KCNN3: variants seen among roughly 807,000 people sequenced by gnomAD.
The protein encoded by KCNN3 is small conductance calcium-activated potassium channel protein 3.
Under a neutral mutation model 62.9 loss-of-function variants are expected in KCNN3, and 16 were observed. That is an observed-to-expected ratio of 0.25 (90% CI 0.17 to 0.39). The LOEUF is 0.39. Ranked by LOEUF, KCNN3 falls within the 10% of genes least tolerant of loss-of-function variation. The pLI is 1.00. For missense variants in KCNN3, 599 were observed against 949.4 expected (o/e 0.63, Z 4.85); for synonymous variants, 370 against 389.2 (o/e 0.95, Z 0.58).
chr1:154,730,097 A>G (rs1201465172), intron 4 of KCNN3, among the ~76,000 whole-genome samples: 62 of 152,368 alleles, frequency 4.1e-4, no homozygotes, highest in Non-Finnish European at 1.2e-4. Context: ...TTGCACTGTC[A>G]TTTCCAATTC....
chr1:154,770,810 AT>A (rs1365806603), intron 3 of KCNN3, among the ~76,000 whole-genome samples: 1 of 152,162 alleles, frequency 6.6e-6, no homozygotes, highest in East Asian at 1.9e-4. Context: ...TAATCCCAGA[AT>A]TTTGGGAGGC....
At chr1:154,720,313 C>A (rs903679904) in intron 5 of KCNN3, among the ~76,000 whole-genome samples, 1 of 152,254 alleles carries the variant, frequency 6.6e-6, no homozygotes, top group African/African-American at 2.4e-5. Context: ...TGCACCCAAT[C>A]TGTCTGGGAC....
rs568797037 is a variant in KCNN3, at chr1:154,765,779, G to A, written c.1448+6196C>T. On this transcript the variant is annotated intron_variant, in intron 3 of 7. Transcript: ENST00000271915. The stretch of plus-strand genomic sequence containing the variant: ...AGTCTACAGATGCACCACCACTCCC[G>A]GCTAATGTTTTTTTTGGTTTTTTTT... Among the ~76,000 whole-genome samples the A allele has an allele frequency of 4.0e-5, 6 of 150,912 alleles. No homozygotes were observed. In the South Asian group the frequency reaches 8.5e-4, roughly 21 times the overall value.
At chr1:154,767,271 T>C (rs1310956856) in intron 3 of KCNN3, among the ~76,000 whole-genome samples, 1 of 152,162 alleles carries the variant, frequency 6.6e-6, no homozygotes, top group Non-Finnish European at 1.5e-5. Context: ...AATATCAGTA[T>C]GCCAAAAGTT....
At chr1:154,845,111 C>T (rs1267647922) in intron 1 of KCNN3, among the ~76,000 whole-genome samples, 1 of 152,160 alleles carries the variant, frequency 6.6e-6, no homozygotes, top group Non-Finnish European at 1.5e-5. Flanking sequence ...AAACCCCTTG[C>T]CACTCTTCCA....
At chr1:154,782,271 T>G (rs547565536) in intron 2 of KCNN3, among the ~76,000 whole-genome samples, 2 of 152,210 alleles carry the variant, frequency 1.3e-5, no homozygotes, top group Admixed American at 6.5e-5. Flanking sequence ...GAAAACACAC[T>G]GCCCACAGGT....
chr1:154,830,364 T>C (rs1028926240), intron 1 of KCNN3, among the ~76,000 whole-genome samples: 1 of 152,154 alleles, frequency 6.6e-6, no homozygotes, highest in Non-Finnish European at 1.5e-5. Context: ...TCACCACTGA[T>C]CCAGAGGGAA....
At chr1:154,712,868 G>A (rs1396492099) in intron 7 of KCNN3, among the ~76,000 whole-genome samples, 2 of 152,174 alleles carry the variant, frequency 1.3e-5, no homozygotes, top group Non-Finnish European at 2.9e-5. Flanking sequence ...GTGATGGCGA[G>A]CCTTACACCC....
intron 2 of KCNN3, among the ~76,000 whole-genome samples, chr1:154,810,734 T>A (rs2101883440): frequency 6.6e-6 from 1 of 152,290 alleles, no homozygotes; most frequent in South Asian, 2.1e-4. Context: ...GGGTTACTGT[T>A]CAGCCCTAGG....
chr1:154,794,840 TG>T (rs1649660047), intron 2 of KCNN3, among the ~76,000 whole-genome samples: 1 of 152,264 alleles, frequency 6.6e-6, no homozygotes, highest in Admixed American at 6.5e-5. Flanking sequence ...GGATGCAGCA[TG>T]GGAACCCAGT....
intron 2 of KCNN3, among the ~76,000 whole-genome samples, chr1:154,813,873 C>T (rs1650544595): frequency 1.3e-5 from 2 of 152,246 alleles, no homozygotes; most frequent in African/African-American, 4.8e-5. Flanking sequence ...GGGGCCCTCA[C>T]ACCTGAGGGA....
intron 5 of KCNN3, among the ~76,000 whole-genome samples, chr1:154,721,878 G>T (rs888158550): frequency 6.6e-6 from 1 of 151,248 alleles, no homozygotes; most frequent in Non-Finnish European, 1.5e-5. Context: ...CCAGAGATTA[G>T]CAATAAGTTA....
chr1:154,846,401 T>G (rs1652058228), intron 1 of KCNN3, among the ~76,000 whole-genome samples: 1 of 152,180 alleles, frequency 6.6e-6, no homozygotes, highest in Non-Finnish European at 1.5e-5. Flanking sequence ...CCCCCGAGGC[T>G]CCTTTCTGGA....
At chr1:154,739,424 G>A in intron 3 of KCNN3, among the ~76,000 whole-genome samples, 1 of 152,066 alleles carries the variant, frequency 6.6e-6, no homozygotes, top group African/African-American at 2.4e-5. Flanking sequence ...TGAATGTCAT[G>A]TTTATCATTT....
chr1:154,710,288 C>CT (rs1329332693), intron 7 of KCNN3, among the ~76,000 whole-genome samples: 2 of 152,192 alleles, frequency 1.3e-5, no homozygotes, highest in African/African-American at 4.8e-5. Context: ...GCGTTATTGT[C>CT]TCCCCCTGTT....
At chr1:154,851,634 T>C (rs905273761) in intron 1 of KCNN3, among the ~76,000 whole-genome samples, 2 of 152,184 alleles carry the variant, frequency 1.3e-5, no homozygotes, top group Non-Finnish European at 2.9e-5. Flanking sequence ...CATGACCTTT[T>C]GTCCAATTCA....
intron 7 of KCNN3, among the ~76,000 whole-genome samples, chr1:154,712,600 A>G (rs2101760703): frequency 6.6e-6 from 1 of 152,330 alleles, no homozygotes; most frequent in South Asian, 2.1e-4. Context: ...TTGCTTACCC[A>G]GGGAATGTGT....
chr1:154,766,310 AC>A (rs1648269960), intron 3 of KCNN3, among the ~76,000 whole-genome samples: 1 of 150,604 alleles, frequency 6.6e-6, no homozygotes, highest in African/African-American at 2.4e-5. Flanking sequence ...ATGGGCTCCT[AC>A]CAATTAAAAA....
intron 2 of KCNN3, among the ~76,000 whole-genome samples, chr1:154,791,184 G>A (rs140758725): frequency 2.9e-5 from 4 of 139,094 alleles, no homozygotes; most frequent in East Asian, 2.1e-4. Context: ...AGTCAAGATC[G>A]CACCACCGCA....
Sources: gnomAD v4.1 joint callset for allele counts (sites outside exome capture counted in the v4.1 genomes callset) on GRCh38, gnomAD v4.1.1 for gene constraint, MANE v1.5 for transcripts, NCBI Gene and HGNC (gene_info 2026-07-23, HGNC 2026-07-21) for gene names.